The following EBNA1BP2 variants were observed in gnomAD, a reference collection of about 807,000 sequenced individuals.
The protein encoded by EBNA1BP2 is probable rRNA-processing protein EBP2.
A neutral mutation model predicts 43.5 loss-of-function variants in EBNA1BP2; 36 were observed. That is an observed-to-expected ratio of 0.83 (90% confidence interval 0.63 to 1.09). EBNA1BP2 has a LOEUF of 1.09. EBNA1BP2 is among the 50% of genes least tolerant of loss of function. The probability of loss-of-function intolerance (pLI) is 0.00; values close to 1 mark genes in which losing one functional copy is unlikely to be tolerated. For synonymous variants in EBNA1BP2, 127 were observed against 141.3 expected (o/e 0.90, Z 0.72); for missense variants, 332 against 379.1 (o/e 0.88, Z 1.03).
At chr1:43,165,620 A>G (rs1644913217) in intron 7 of EBNA1BP2, among the ~76,000 whole-genome samples, 1 of 152,146 alleles carries the variant, frequency 6.6e-6, no homozygotes, top group Admixed American at 6.5e-5. Flanking sequence ...CATGAATATA[A>G]CCTGCTCATT....
intron 3 of EBNA1BP2, 61 bp downstream of exon 3, chr1:43,171,418 C>T (rs1184643070): frequency 6.5e-7 from 1 of 1,541,074 alleles, no homozygotes; most frequent in African/African-American, 1.4e-5. Flanking sequence ...CTAATTTCCC[C>T]TCTTTCCCAC....
chr1:43,171,776 G>C, intron 2 of EBNA1BP2, 110 bp downstream of exon 2: 1 of 1,562,944 alleles, frequency 6.4e-7, no homozygotes, highest in South Asian at 1.2e-5. Context: ...TGACCCTCTT[G>C]GCGAGGCGCA....
chr1:43,166,909 A>G lies in EBNA1BP2; in HGVS notation c.624T>C (p.Asp208=), dbSNP rs747901651. The G allele has an allele frequency of 6.2e-7, 1 of 1,612,410 alleles. No individual in the cohort carries two copies. The highest frequency in any genetic ancestry group is 1.7e-4 in the Middle Eastern group (1 of 6,052). Reference sequence around the variant, plus strand: ...GATCTCCCTCAAGGAAATCCAGTTTATCAGAGAAGCCTGTAAGTGAAGAAG... The same window carrying G: ...GATCTCCCTCAAGGAAATCCAGTTTGTCAGAGAAGCCTGTAAGTGAAGAAG... ...AIKKYQKGFS[D]KLDFLEGDQK... is the part of the protein sequence containing the mutation. Residue 208 remains aspartate, a synonymous_variant, in exon 7 of 9, where the codon GAT becomes GAC. Transcript: ENST00000236051.
At chr1:43,170,921 A>G in intron 3 of EBNA1BP2, 42 bp from the exon 4 acceptor site, 1 of 1,506,928 alleles carries the variant, frequency 6.6e-7, no homozygotes, top group Non-Finnish European at 8.8e-7. Flanking sequence ...GTGAAGGAGG[A>G]GGCCTTACGT....
At chr1:43,168,901 T>A (rs1303061220) in intron 5 of EBNA1BP2, 38 bp downstream of exon 5, 2 of 1,604,544 alleles carry the variant, frequency 1.2e-6, no homozygotes, top group Admixed American at 3.3e-5. Context: ...TAACACACAC[T>A]CCGCCTCTTC....
chr1:43,170,195 T>C (rs566146115), intron 4 of EBNA1BP2, among the ~76,000 whole-genome samples: 1 of 152,296 alleles, frequency 6.6e-6, no homozygotes, highest in East Asian at 1.9e-4. Flanking sequence ...TCCCCAATAT[T>C]TTTGATCCAA....
chr1:43,171,055 G>T, intron 3 of EBNA1BP2, 176 bp from the exon 4 acceptor site: 2 of 915,490 alleles, frequency 2.2e-6, no homozygotes, highest in Non-Finnish European at 3.0e-6. Context: ...AAATGTAGCC[G>T]TATACTAGTT....
chr1:43,166,684 T>C (rs971906586), intron 7 of EBNA1BP2, 142 bp downstream of exon 7: 10 of 788,752 alleles, frequency 1.3e-5, no homozygotes, highest in Middle Eastern at 2.7e-4. Context: ...CACACAGTCA[T>C]AGGGGTCCTG....
Position 43,171,929 on chromosome 1 carries a change from A to G in EBNA1BP2, c.107T>C (p.Leu36Pro). Residue 36 changes from leucine (L) to proline (P), a missense_variant, in exon 2 of 9, where the codon CTC becomes CCC. Around this residue, in one of 3 missense-constraint regions of EBNA1BP2, gnomAD observed 182 missense variants for 173.7 expected, o/e 1.05. Coordinates refer to ENST00000236051, the MANE Select transcript of EBNA1BP2 (RefSeq NM_006824.3). ...CTTCGGCCCCTCTAGCACGACATTGAGGCCTGGCTTCAGAAGCCCTCGGGA... is the reference window on the plus strand; with the variant it reads ...CTTCGGCCCCTCTAGCACGACATTGGGGCCTGGCTTCAGAAGCCCTCGGGA... The part of the protein sequence containing the change: ...AFSRGLLKPG[L>P]NVVLEGPKKA... The G allele has an allele frequency of 6.2e-7, 1 of 1,614,138 alleles. No homozygotes were observed. Among genetic ancestry groups the G allele is most frequent in the Non-Finnish European group, 8.5e-7 (1 of 1,180,010 alleles).
rs1217393864 is a variant in EBNA1BP2, at chr1:43,171,963, C to G, written c.73G>C (p.Asp25His). 7.4e-6 allele frequency: 12 copies of G among 1,614,084 alleles called. No individual in the cohort carries two copies. The highest frequency in any genetic ancestry group is 1.3e-5 in the African/African-American group (1 of 74,952). The stretch of plus-strand genomic sequence containing the variant: ...TTCAGAAGCCCTCGGGAAAACGCAT[C>G]CTGCAACTGCAGGACACAATCACGG... ...ESLVTDRELQ[D>H]AFSRGLLKPG... Residue 25 changes from aspartate (D) to histidine (H), a missense_variant, in exon 2 of 9, where the codon GAT becomes CAT. Physicochemically the swap from Asp to His is moderately conservative, Grantham distance 81. This residue lies in a region of EBNA1BP2 where 182 missense variants were observed against 173.7 expected (regional missense o/e 1.05). Transcript: ENST00000236051.
chr1:43,167,941 G>A (rs911771898), intron 5 of EBNA1BP2, among the ~76,000 whole-genome samples: 1 of 152,000 alleles, frequency 6.6e-6, no homozygotes, highest in Non-Finnish European at 1.5e-5. Flanking sequence ...TCTCCAGGCA[G>A]TCACAGAAAA....
chr1:43,168,747 C>T (rs1313812397), intron 5 of EBNA1BP2, among the ~76,000 whole-genome samples, 192 bp downstream of exon 5: 1 of 152,138 alleles, frequency 6.6e-6, no homozygotes, highest in East Asian at 1.9e-4. Flanking sequence ...CCTGCAGTCA[C>T]CATACTACTC....
chr1:43,172,501 G>C (rs186792830), upstream of EBNA1BP2: 1 of 1,510,922 alleles, frequency 6.6e-7, no homozygotes, highest in African/African-American at 1.4e-5. Context: ...GTAGCAGTGA[G>C]GGTACAAAGG....
At chr1:43,171,346 G>C (rs1644966465) in intron 3 of EBNA1BP2, 133 bp downstream of exon 3, 2 of 1,121,858 alleles carry the variant, frequency 1.8e-6, no homozygotes, top group Non-Finnish European at 2.4e-6. Flanking sequence ...GAATCTCCTA[G>C]CTATTCTTAG....
intron 3 of EBNA1BP2, 103 bp downstream of exon 3, chr1:43,171,376 C>T (rs1644967363): frequency 7.1e-7 from 1 of 1,415,654 alleles, no homozygotes; most frequent in Non-Finnish European, 9.4e-7. Flanking sequence ...GCCGCTCTCT[C>T]TACTCCTAGG....
intron 7 of EBNA1BP2, 92 bp downstream of exon 7, chr1:43,166,734 C>T (rs954780618): frequency 6.9e-6 from 9 of 1,298,264 alleles, no homozygotes; most frequent in East Asian, 4.6e-5. Context: ...TCTATGGCTG[C>T]GCCGGTGGAG....
intron 7 of EBNA1BP2, 132 bp downstream of exon 7, chr1:43,166,694 G>C (rs768261898): frequency 2.3e-6 from 2 of 877,302 alleles, no homozygotes; most frequent in Non-Finnish European, 3.5e-6. Context: ...TAGGGGTCCT[G>C]GCCCCAGGCA....
intron 7 of EBNA1BP2, among the ~76,000 whole-genome samples, chr1:43,166,493 C>T (rs923371548): frequency 3.9e-5 from 6 of 152,062 alleles, no homozygotes; most frequent in Non-Finnish European, 7.3e-5. Flanking sequence ...CCTGTAGTTC[C>T]AGCTACTCAG....
intron 3 of EBNA1BP2, 50 bp from the exon 4 acceptor site, chr1:43,170,929 C>T (rs142265004): frequency 5.4e-6 from 8 of 1,487,080 alleles, no homozygotes; most frequent in African/African-American, 2.9e-5. Context: ...GGAGGCCTTA[C>T]GTTCCTTTTC....
Sources: gnomAD v4.1 joint callset for allele counts (sites outside exome capture counted in the v4.1 genomes callset) on GRCh38, gnomAD v4.1.1 for gene constraint, gnomAD v4.1.1 regional missense constraint, MANE v1.5 for transcripts, NCBI Gene and HGNC (gene_info 2026-07-23, HGNC 2026-07-21) for gene names.